Variants in NECTIN3 observed in about 807,000 individuals in gnomAD.
NECTIN3 encodes the protein nectin cell adhesion molecule 3.
Under a neutral mutation model 49.4 loss-of-function variants are expected in NECTIN3, and 8 were observed. The ratio of observed to expected loss-of-function variants is 0.16; its 90% CI spans 0.10 to 0.29. NECTIN3 has a LOEUF of 0.29. Ranked by LOEUF, NECTIN3 falls within the 10% of genes least tolerant of loss-of-function variation. NECTIN3 has a pLI of 1.00. For missense variants in NECTIN3, 581 were observed against 654.6 expected, an observed-to-expected ratio of 0.89 and a Z score of 1.23; for synonymous variants, 277 against 241.1, an observed-to-expected ratio of 1.15 and a Z score of -1.38.
chr3:111,141,822 T>C (rs926535449), downstream of NECTIN3, among the ~76,000 whole-genome samples: 1 of 151,946 alleles, frequency 6.6e-6, no homozygotes, highest in African/African-American at 2.4e-5. Flanking sequence ...ATAGAACATC[T>C]CCTTAGGTCG....
chr3:111,118,234 A>T (rs2033770973), intron 2 of NECTIN3, among the ~76,000 whole-genome samples: 1 of 120,894 alleles, frequency 8.3e-6, no homozygotes, highest in Non-Finnish European at 1.7e-5. Context: ...AAATTTTTTT[A>T]CTGTAAAATG....
Position 111,105,494 on chromosome 3 carries a change from T to A in NECTIN3, c.161-6536T>A, listed in dbSNP as rs116122220. On this transcript the variant is annotated intron_variant, in intron 1 of 5. Coordinates refer to ENST00000485303, the MANE Select transcript of NECTIN3 (RefSeq NM_015480.3). ...TGTTTTACATTTTTTATTTTCTAAT[T>A]TTCTGCTGCTAATGCATAGAAATAC... Among the ~76,000 whole-genome samples the A allele has an allele frequency of 3.2e-3, 487 of 152,322 alleles. 2 individuals carry two copies. Among genetic ancestry groups the A allele is most frequent in the Non-Finnish European group, 4.4e-3 (300 of 68,020 alleles).
chr3:111,115,132 A>G (rs559645855), intron 2 of NECTIN3, among the ~76,000 whole-genome samples: 1 of 152,336 alleles, frequency 6.6e-6, no homozygotes, highest in East Asian at 1.9e-4. Context: ...TGCCAATAGC[A>G]TTCCTCAGTT....
chr3:111,125,336 CTT>C (rs1228448738), intron 4 of NECTIN3, among the ~76,000 whole-genome samples: 4 of 151,376 alleles, frequency 2.6e-5, no homozygotes, highest in Middle Eastern at 3.4e-3. Flanking sequence ...GCCTTATCCT[CTT>C]TAAAAAAACC....
chr3:111,096,254 T>G (rs2032577914), intron 1 of NECTIN3, among the ~76,000 whole-genome samples: 1 of 152,176 alleles, frequency 6.6e-6, no homozygotes, highest in African/African-American at 2.4e-5. Context: ...CCTAGAGATA[T>G]GTAGAACTTT....
In NECTIN3 at chr3:111,135,129, C is replaced by T. The variant is rs1294517747; in HGVS notation, c.*914C>T. ...CTAGTTTTAGAAATGAGACTTTCAGCCAACAATCTATAGAAAGAATTTTAT... is the reference window on the plus strand; with the variant it reads ...CTAGTTTTAGAAATGAGACTTTCAGTCAACAATCTATAGAAAGAATTTTAT... On this transcript the variant is annotated 3_prime_UTR_variant, in exon 6 of 6. Transcript: ENST00000485303. 2.0e-6 allele frequency: 2 copies of T among 980,750 alleles called. No individual in the cohort carries two copies. The highest frequency in any genetic ancestry group is 1.1e-4 in the East Asian group (1 of 8,798). The allele number at this position is 980,750 out of a possible 1,614,324, so 60.8% of individuals were successfully genotyped here.
chr3:111,074,148 G>A, intron 1 of NECTIN3: 1 of 447,578 alleles, frequency 2.2e-6, no homozygotes, highest in Non-Finnish European at 4.5e-6. Context: ...CCTTTATGAC[G>A]AGTTTTTTCC....
intron 7 of NECTIN3, among the ~76,000 whole-genome samples, chr3:111,186,679 A>G (rs1299998514): frequency 6.6e-6 from 1 of 152,240 alleles, no homozygotes; most frequent in East Asian, 1.9e-4. Flanking sequence ...AACTTAAAAT[A>G]AAAGTTAAAA....
At chr3:111,102,597 T>G (rs1404786474) in intron 1 of NECTIN3, among the ~76,000 whole-genome samples, 2 of 152,250 alleles carry the variant, frequency 1.3e-5, no homozygotes, top group Non-Finnish European at 2.9e-5. Flanking sequence ...GCATGGCTTG[T>G]CTTTTTATTC....
In NECTIN3 at chr3:111,074,743, G is replaced by A. The variant is rs564141005; in HGVS notation, c.160+2566G>A. ...AAGCCTAAGAGATTCCTAGGTATAA[G>A]TGTCAAGGGGACTGGGCTTACGTCA... is the stretch of plus-strand genomic sequence containing the variant. On this transcript the variant is annotated intron_variant, in intron 1 of 5. Coordinates refer to ENST00000485303, the MANE Select transcript of NECTIN3 (RefSeq NM_015480.3). 4.6e-5 allele frequency among the ~76,000 whole-genome samples: 7 copies of A among 151,930 alleles called. No homozygotes were observed. The South Asian group carries it at 1.5e-3, about 32-fold the overall frequency.
intron 1 of NECTIN3, among the ~76,000 whole-genome samples, chr3:111,097,171 A>G (rs893615365): frequency 3.3e-5 from 5 of 152,216 alleles, no homozygotes; most frequent in African/African-American, 1.2e-4. Flanking sequence ...GATGTGAGAC[A>G]TGTAGTCAAA....
intron 1 of NECTIN3, among the ~76,000 whole-genome samples, chr3:111,108,764 C>A (rs967273500): frequency 6.6e-6 from 1 of 152,092 alleles, no homozygotes; most frequent in Non-Finnish European, 1.5e-5. Flanking sequence ...CTCTTTTAAA[C>A]AGCCAGATCT....
At chr3:111,158,959 G>A (rs1253454815) in intron 7 of NECTIN3, among the ~76,000 whole-genome samples, 1 of 152,022 alleles carries the variant, frequency 6.6e-6, no homozygotes, top group African/African-American at 2.4e-5. Context: ...TGTACTAATG[G>A]CCAATAAGCA....
At chr3:111,122,376 T>G (rs2107471216) in intron 4 of NECTIN3, 138 bp downstream of exon 4, 1 of 581,900 alleles carries the variant, frequency 1.7e-6, no homozygotes, top group South Asian at 2.7e-5. Flanking sequence ...GTCTTATCCT[T>G]CCCCACCTGT....
At chr3:111,173,341 CT>C (rs2035467777) in intron 7 of NECTIN3, among the ~76,000 whole-genome samples, 2 of 152,210 alleles carry the variant, frequency 1.3e-5, no homozygotes, top group South Asian at 4.1e-4. Flanking sequence ...TCTTCTGGAT[CT>C]TTTACCTGTA....
intron 1 of NECTIN3, among the ~76,000 whole-genome samples, chr3:111,080,621 G>A (rs2031532668): frequency 6.7e-6 from 1 of 149,584 alleles, no homozygotes; most frequent in Admixed American, 6.7e-5. Context: ...AATGGGTTAA[G>A]TAATATTTAC....
chr3:111,110,427 A>G (rs915278958), intron 1 of NECTIN3, among the ~76,000 whole-genome samples: 2 of 152,044 alleles, frequency 1.3e-5, no homozygotes, highest in Non-Finnish European at 2.9e-5. Context: ...AAGTCATGTG[A>G]GCTTTTAATG....
At chr3:111,104,854 A>G (rs2033099833) in intron 1 of NECTIN3, among the ~76,000 whole-genome samples, 1 of 152,194 alleles carries the variant, frequency 6.6e-6, no homozygotes, top group African/African-American at 2.4e-5. Flanking sequence ...TAAGGTCACA[A>G]ATATTTGCAT....
chr3:111,094,129 T>G (rs948218393), intron 1 of NECTIN3, among the ~76,000 whole-genome samples: 26 of 151,894 alleles, frequency 1.7e-4, no homozygotes, highest in Admixed American at 8.5e-4. Context: ...TTTATATATA[T>G]TGACTTATTT....
Sources: allele counts gnomAD v4.1 joint callset (sites outside exome capture counted in the v4.1 genomes callset), GRCh38; gene constraint gnomAD v4.1.1; transcripts MANE v1.5; gene names NCBI Gene and HGNC (gene_info 2026-07-23, HGNC 2026-07-21).